The following ULK4 variants were observed in gnomAD, a reference collection of about 807,000 sequenced individuals.
The protein encoded by ULK4 is inactive serine/threonine-protein kinase ULK4.
In ULK4, 133 loss-of-function variants were observed where a neutral mutation model predicts 160.6. The observed-to-expected ratio is 0.83, with a 90% confidence interval of 0.72 to 0.96. ULK4 has a LOEUF of 0.96. Ranked by LOEUF, ULK4 falls within the 40% of genes least tolerant of loss-of-function variation. ULK4 has a pLI of 0.00. For synonymous variants in ULK4, 534 were observed against 539.8 expected (o/e 0.99, Z 0.15); for missense variants, 1,580 against 1,499.5 (o/e 1.05, Z -0.89).
At chr3:41,810,979 G>A (rs1258118580) in intron 19 of ULK4, among the ~76,000 whole-genome samples, 1 of 152,046 alleles carries the variant, frequency 6.6e-6, no homozygotes, top group Admixed American at 6.6e-5. Context: ...AAACTCCTGG[G>A]CTCAACCAAT....
intron 32 of ULK4, among the ~76,000 whole-genome samples, chr3:41,481,758 C>T (rs1387852108): frequency 3.1e-4 from 42 of 137,106 alleles, no homozygotes; most frequent in Admixed American, 2.2e-3. Flanking sequence ...ACCCGGGAGG[C>T]GGAGCTTGCA....
intron 2 of ULK4, among the ~76,000 whole-genome samples, chr3:41,951,817 A>G (rs1040986694): frequency 1.3e-5 from 2 of 152,218 alleles, no homozygotes; most frequent in Non-Finnish European, 2.9e-5. Context: ...GAATACAGCC[A>G]TAAGGGGGCC....
chr3:41,736,448 A>G (rs185392614), intron 22 of ULK4, among the ~76,000 whole-genome samples: 8,946 of 151,918 alleles, frequency 0.059, 541 homozygotes, highest in East Asian at 0.16. Context: ...GCCAGTGATG[A>G]TGAGCATTTT....
At chr3:41,411,541 C>T (rs1195480345) in intron 34 of ULK4, among the ~76,000 whole-genome samples, 1 of 151,874 alleles carries the variant, frequency 6.6e-6, no homozygotes, top group Admixed American at 6.6e-5. Context: ...GATTCTCCTG[C>T]CTCAGCCTCC....
intron 21 of ULK4, among the ~76,000 whole-genome samples, chr3:41,765,140 G>A (rs547682300): frequency 1.8e-4 from 28 of 152,256 alleles, no homozygotes; most frequent in African/African-American, 6.5e-4. Context: ...TCACAATAGC[G>A]AAGACTTGGA....
intron 19 of ULK4, among the ~76,000 whole-genome samples, chr3:41,809,119 T>C (rs1480402483): frequency 2.8e-5 from 4 of 143,072 alleles, no homozygotes; most frequent in Admixed American, 7.3e-5. Context: ...TGAGCCGTGA[T>C]CACCCCACTG....
At chr3:41,842,227 G>A (rs1162974604) in intron 17 of ULK4, among the ~76,000 whole-genome samples, 2 of 147,804 alleles carry the variant, frequency 1.4e-5, no homozygotes, top group Non-Finnish European at 3.0e-5. Flanking sequence ...GACTGCTTGA[G>A]TCCCGAAGTT....
At chr3:41,727,937 G>A (rs1037184173) in intron 22 of ULK4, among the ~76,000 whole-genome samples, 1 of 152,190 alleles carries the variant, frequency 6.6e-6, no homozygotes, top group African/African-American at 2.4e-5. Context: ...GCTGTTGATT[G>A]GATAGGAGAG....
At chr3:41,624,228 GTCT>G (rs915166908) in intron 30 of ULK4, among the ~76,000 whole-genome samples, 24 of 152,112 alleles carry the variant, frequency 1.6e-4, no homozygotes, top group Admixed American at 1.2e-3. Context: ...CCTTAAATTT[GTCT>G]TCTTAAGTTT....
chr3:41,655,888 A>C (rs1177276452), intron 30 of ULK4, among the ~76,000 whole-genome samples: 1 of 152,220 alleles, frequency 6.6e-6, no homozygotes, highest in African/African-American at 2.4e-5. Flanking sequence ...ATTTGAATTG[A>C]AATATAAAAG....
chr3:41,576,707 A>C (rs557765789), intron 31 of ULK4, among the ~76,000 whole-genome samples: 1 of 152,210 alleles, frequency 6.6e-6, no homozygotes, highest in South Asian at 2.1e-4. Flanking sequence ...GTTTATATTC[A>C]CTTTTGAATA....
chr3:41,734,119 A>G (rs2037936116), intron 22 of ULK4, among the ~76,000 whole-genome samples: 1 of 152,170 alleles, frequency 6.6e-6, no homozygotes, highest in African/African-American at 2.4e-5. Flanking sequence ...TAGAAGCAGG[A>G]AGATCAGTTA....
At position 41,754,472 on chromosome 3, in the gene ULK4, A is replaced by C; in HGVS notation, c.2210T>G (p.Ile737Ser). ...TGAGGGGCTGTCAAGTAAACGGATA[A>C]TTGTGGAGACAAAACCCTGTAGAAG... ...LIQEKGFVST[I>S]IRLLDSPSTC... Residue 737 changes from isoleucine to serine, a missense_variant, in exon 22 of 37, where the codon ATT (isoleucine) becomes AGT (serine). By Grantham distance (142) the Ile-to-Ser change is moderately radical. Coordinates refer to ENST00000301831, the MANE Select transcript of ULK4 (RefSeq NM_017886.4). 6.2e-7 allele frequency: 1 copy of C among 1,613,004 alleles called. No individual in the cohort carries two copies. Among genetic ancestry groups the C allele is most frequent in the Non-Finnish European group, 8.5e-7 (1 of 1,179,622 alleles).
At chr3:41,946,518 T>G (rs1700116428) in intron 2 of ULK4, among the ~76,000 whole-genome samples, 1 of 152,188 alleles carries the variant, frequency 6.6e-6, no homozygotes. Flanking sequence ...CGGGTGTGCC[T>G]TAAGACCCCA....
intron 32 of ULK4, among the ~76,000 whole-genome samples, chr3:41,506,807 T>TATATATACAC (rs1559658299): frequency 9.0e-6 from 1 of 110,694 alleles, no homozygotes; most frequent in African/African-American, 3.4e-5. Context: ...TATATATATA[T>TATATATACAC]GAACATGTTT....
At chr3:41,905,988 C>T (rs6784058) in intron 12 of ULK4, among the ~76,000 whole-genome samples, 48 of 152,100 alleles carry the variant, frequency 3.2e-4, no homozygotes, top group African/African-American at 1.1e-3. Context: ...GAGTCCGAGG[C>T]GGGCGGATCA....
chr3:41,665,012 C>A (rs571975930), intron 29 of ULK4, among the ~76,000 whole-genome samples: 1 of 151,770 alleles, frequency 6.6e-6, no homozygotes, highest in East Asian at 1.9e-4. Flanking sequence ...AATAAACAAG[C>A]ATCAAATGAA....
At position 41,849,891 on chromosome 3, in the gene ULK4, A is replaced by T. The variant is rs541982416; in HGVS notation, c.1657-13920T>A. On this transcript the variant is annotated intron_variant, in intron 17 of 36. Transcript: ENST00000301831. ...GGTTTGTTACATATGTATACATGTG[A>T]CATGTTGGTATGCTGCACCCATTAA... 2.6e-5 allele frequency among the ~76,000 whole-genome samples: 4 copies of T among 152,046 alleles called. No homozygotes were observed. The East Asian group carries it at 7.7e-4, about 29-fold the overall frequency.
intron 29 of ULK4, among the ~76,000 whole-genome samples, chr3:41,676,900 C>A (rs540360585): frequency 2.5e-3 from 355 of 142,138 alleles, no homozygotes; most frequent in African/African-American, 9.0e-3. Context: ...CCTGCCCCCA[C>A]CCCCAACCTT....
Sources: gnomAD v4.1 joint callset for allele counts (sites outside exome capture counted in the v4.1 genomes callset) on GRCh38, gnomAD v4.1.1 for gene constraint, MANE v1.5 for transcripts, NCBI Gene and HGNC (gene_info 2026-07-23, HGNC 2026-07-21) for gene names.